The following ABCA13 variants were observed in gnomAD, a reference collection of about 807,000 sequenced individuals.
The protein encoded by ABCA13 is ATP binding cassette subfamily A member 13.
Under a neutral mutation model 478.7 loss-of-function variants are expected in ABCA13, and 476 were observed. The ratio of observed to expected loss-of-function variants is 0.99; its 90% CI spans 0.92 to 1.07. The LOEUF (loss-of-function observed/expected upper bound fraction) is 1.07, where lower values mean the gene tolerates loss of function less well. ABCA13 is among the 50% of genes least tolerant of loss of function. The pLI, the probability that ABCA13 is intolerant of heterozygous loss-of-function variation, is 0.00. For synonymous variants in ABCA13, 2,252 were observed against 2,158.9 expected (o/e 1.04, Z -1.20); for missense variants, 6,060 against 5,910.6 (o/e 1.03, Z -0.83).
intron 27 of ABCA13, among the ~76,000 whole-genome samples, chr7:48,332,932 T>C (rs905912943): frequency 6.6e-6 from 1 of 152,210 alleles, no homozygotes; most frequent in African/African-American, 2.4e-5. Flanking sequence ...TCTCAGTTTA[T>C]CATATTGAGT....
chr7:48,335,588 T>C (rs1452400968), intron 28 of ABCA13, 53 bp downstream of exon 28: 3 of 1,426,096 alleles, frequency 2.1e-6, no homozygotes, highest in Non-Finnish European at 3.0e-6. Context: ...CTAGGGCATG[T>C]CCGAGACATC....
chr7:48,470,541 G>A (rs1034134047), intron 44 of ABCA13, among the ~76,000 whole-genome samples: 4 of 152,162 alleles, frequency 2.6e-5, no homozygotes, highest in African/African-American at 7.2e-5. Context: ...AAACTCTTAA[G>A]TTTCAAACTG....
chr7:48,298,300 T>C (rs557110113), intron 22 of ABCA13, 66 bp from the exon 23 acceptor site: 10 of 1,421,322 alleles, frequency 7.0e-6, no homozygotes, highest in Admixed American at 2.4e-5. Flanking sequence ...TATCAAATTT[T>C]GTTTTCGCAG....
chr7:48,614,875 G>A (rs1400882773), intron 58 of ABCA13, among the ~76,000 whole-genome samples: 3 of 125,808 alleles, frequency 2.4e-5, no homozygotes, highest in Non-Finnish European at 3.3e-5. Context: ...TCACATTCTG[G>A]GGACTGTTGT....
chr7:48,261,413 T>A (rs560865881), intron 15 of ABCA13, among the ~76,000 whole-genome samples: 1 of 151,936 alleles, frequency 6.6e-6, no homozygotes, highest in Non-Finnish European at 1.5e-5. Flanking sequence ...TACTTAAAAA[T>A]AAACATTTTG....
chr7:48,317,138 T>C lies in ABCA13; in HGVS notation c.9860-19T>C. On this transcript the variant is annotated intron_variant, in intron 26 of 61. Transcript: ENST00000435803. ...TCGTGTATCATTAGCAACTTTTTTT[T>C]TCTTTCTAATTGCAACAGCACCGTT... is the stretch of plus-strand genomic sequence containing the variant. 6.3e-7 allele frequency: 1 copy of C among 1,597,800 alleles called. No homozygotes were observed. Among genetic ancestry groups the C allele is most frequent in the Non-Finnish European group, 8.5e-7 (1 of 1,175,438 alleles).
At chr7:48,482,092 T>C (rs949623856) in intron 46 of ABCA13, among the ~76,000 whole-genome samples, 1 of 152,076 alleles carries the variant, frequency 6.6e-6, no homozygotes, top group African/African-American at 2.4e-5. Context: ...AGATACAAGA[T>C]ACTGTGCAAC....
chr7:48,603,456 C>G (rs775276664), intron 58 of ABCA13, among the ~76,000 whole-genome samples: 1 of 152,052 alleles, frequency 6.6e-6, no homozygotes, highest in Non-Finnish European at 1.5e-5. Flanking sequence ...TGAATTTTGT[C>G]GAAGGCTTTT....
intron 29 of ABCA13, among the ~76,000 whole-genome samples, chr7:48,350,369 C>A (rs1808768308): frequency 6.6e-6 from 1 of 152,000 alleles, no homozygotes; most frequent in Non-Finnish European, 1.5e-5. Context: ...AACTGTGTTT[C>A]CTTAGGCTGC....
intron 55 of ABCA13, among the ~76,000 whole-genome samples, chr7:48,574,867 A>AT (rs1427647153): frequency 1.5e-4 from 23 of 152,228 alleles, no homozygotes; most frequent in African/African-American, 5.3e-4. Flanking sequence ...ATTTTTCTGC[A>AT]TTTTATCCAG....
chr7:48,376,666 A>C, intron 35 of ABCA13, 94 bp downstream of exon 35: 1 of 1,362,292 alleles, frequency 7.3e-7, no homozygotes, highest in East Asian at 2.5e-5. Context: ...TTATTCTTTA[A>C]GGAAGATCCA....
Position 48,272,392 on chromosome 7 carries a change from A to C in ABCA13, c.2726A>C (p.Glu909Ala), listed in dbSNP as rs1443976574. Residue 909 changes from glutamate to alanine, a missense_variant, in exon 17 of 62, where the codon GAG (glutamate) becomes GCG (alanine). By Grantham distance (107) the Glu-to-Ala change is moderately radical. Transcript: ENST00000435803. ...AGTCTCCATGAATTTGGATTTTTGGAGCAGGAACAGATCTCAGAAGCTCTG... is the reference window on the plus strand; with the variant it reads ...AGTCTCCATGAATTTGGATTTTTGGCGCAGGAACAGATCTCAGAAGCTCTG... The part of the protein sequence containing the change: ...ITSLHEFGFL[E>A]QEQISEALNT... 6.2e-7 allele frequency: 1 copy of C among 1,613,772 alleles called. No individual in the cohort carries two copies. Among genetic ancestry groups the C allele is most frequent in the Non-Finnish European group, 8.5e-7 (1 of 1,179,758 alleles).
At chr7:48,285,480 C>T (rs1441152030) in intron 19 of ABCA13, among the ~76,000 whole-genome samples, 2 of 152,182 alleles carry the variant, frequency 1.3e-5, no homozygotes, top group African/African-American at 2.4e-5. Flanking sequence ...CCTTTGAGGG[C>T]AGGCTTCAAG....
chr7:48,473,458 T>C (rs1290329898), intron 45 of ABCA13, among the ~76,000 whole-genome samples: 1 of 152,308 alleles, frequency 6.6e-6, no homozygotes, highest in Non-Finnish European at 1.5e-5. Context: ...CAGCCCGAAC[T>C]TTCAGGCTGC....
intron 42 of ABCA13, among the ~76,000 whole-genome samples, chr7:48,430,047 T>C (rs1821933579): frequency 2.0e-5 from 3 of 152,164 alleles, no homozygotes; most frequent in Admixed American, 1.3e-4. Context: ...CTTCACCTCA[T>C]AGAATGAGTT....
chr7:48,377,418 C>G (rs979230563), intron 35 of ABCA13, among the ~76,000 whole-genome samples: 7 of 151,952 alleles, frequency 4.6e-5, no homozygotes, highest in African/African-American at 1.7e-4. Flanking sequence ...CAAATAGTGT[C>G]TAACTAAATT....
intron 31 of ABCA13, among the ~76,000 whole-genome samples, chr7:48,358,592 CA>C (rs1810336760): frequency 6.6e-6 from 1 of 151,976 alleles, no homozygotes; most frequent in South Asian, 2.1e-4. Flanking sequence ...TATGTAGAAA[CA>C]TTTTGTTTTC....
intron 2 of ABCA13, among the ~76,000 whole-genome samples, chr7:48,197,957 A>G (rs1336703039): frequency 6.6e-6 from 1 of 152,014 alleles, no homozygotes; most frequent in Non-Finnish European, 1.5e-5. Flanking sequence ...GGTTATTTCC[A>G]CTCAGTGAAT....
intron 55 of ABCA13, among the ~76,000 whole-genome samples, chr7:48,566,609 C>T (rs1563446620): frequency 6.6e-6 from 1 of 152,110 alleles, no homozygotes; most frequent in Non-Finnish European, 1.5e-5. Context: ...TGCTGAAAGG[C>T]TTTATTATCA....
Sources: gnomAD v4.1 joint callset for allele counts (sites outside exome capture counted in the v4.1 genomes callset) on GRCh38, gnomAD v4.1.1 for gene constraint, MANE v1.5 for transcripts, NCBI Gene and HGNC (gene_info 2026-07-23, HGNC 2026-07-21) for gene names.